The following WDR70 variants were observed in gnomAD, a reference collection of about 807,000 sequenced individuals.
The protein encoded by WDR70 is WD repeat-containing protein 70.
WDR70 carries 53 observed loss-of-function variants against 88.6 expected under a neutral mutation model. That is an observed-to-expected ratio of 0.60 (90% CI 0.48 to 0.75). The LOEUF is 0.75. Among genes scored for constraint, WDR70 ranks in the 30% least tolerant of loss-of-function variants. The pLI, the probability that WDR70 is intolerant of heterozygous loss-of-function variation, is 0.00. For missense variants in WDR70, 610 were observed against 823.2 expected, an observed-to-expected ratio of 0.74 and a Z score of 3.17; for synonymous variants, 280 against 270.0, an observed-to-expected ratio of 1.04 and a Z score of -0.36.
At chr5:37,742,177 G>A (rs1748501462) in intron 17 of WDR70, among the ~76,000 whole-genome samples, 1 of 151,474 alleles carries the variant, frequency 6.6e-6, no homozygotes. Context: ...GTTTTCCATA[G>A]TGTCTGTGCC....
chr5:37,612,749 T>G (rs544693520), intron 10 of WDR70, among the ~76,000 whole-genome samples: 2 of 152,316 alleles, frequency 1.3e-5, no homozygotes, highest in South Asian at 4.1e-4. Flanking sequence ...CAGTCATTCA[T>G]TGTATGCAAA....
At chr5:37,381,779 C>T (rs1375907830) in intron 3 of WDR70, 94 bp downstream of exon 3, 17 of 1,302,816 alleles carry the variant, frequency 1.3e-5, no homozygotes, top group South Asian at 7.2e-5. Flanking sequence ...GTTGGCTGGG[C>T]GCGGTGGCTC....
chr5:37,494,685 G>T (rs2112200895), intron 8 of WDR70, among the ~76,000 whole-genome samples: 1 of 152,336 alleles, frequency 6.6e-6, no homozygotes, highest in South Asian at 2.1e-4. Context: ...GAGAGTTCAG[G>T]ATTTTAGAAG....
intron 9 of WDR70, among the ~76,000 whole-genome samples, chr5:37,559,037 G>A (rs200450031): frequency 1.3e-5 from 2 of 151,842 alleles, no homozygotes; most frequent in East Asian, 1.9e-4. Context: ...AGGTTCAAGC[G>A]ATTCTCCTGC....
At chr5:37,422,295 T>A (rs72738703) in intron 5 of WDR70, among the ~76,000 whole-genome samples, 1,013 of 43,184 alleles carry the variant, frequency 0.023, 9 homozygotes, top group Non-Finnish European at 0.059. Flanking sequence ...TCCTTTTTTC[T>A]TTTTTTTTTT....
chr5:37,440,158 GTGCT>G (rs1431606131), intron 6 of WDR70, among the ~76,000 whole-genome samples: 2 of 152,002 alleles, frequency 1.3e-5, no homozygotes, highest in Non-Finnish European at 2.9e-5. Context: ...ATAAGATTTT[GTGCT>G]TTTTCTCCTT....
chr5:37,646,788 C>T (rs934227898), intron 10 of WDR70, among the ~76,000 whole-genome samples: 2 of 152,054 alleles, frequency 1.3e-5, no homozygotes, highest in Non-Finnish European at 2.9e-5. Context: ...CTTTTAGGAT[C>T]CTCTCTTTAT....
At chr5:37,397,126 G>C (rs1318160052) in intron 5 of WDR70, among the ~76,000 whole-genome samples, 1 of 147,296 alleles carries the variant, frequency 6.8e-6, no homozygotes. Context: ...GACAGAGTGA[G>C]ACCCTGTCTC....
chr5:37,518,912 A>G (rs1740984381), intron 9 of WDR70, among the ~76,000 whole-genome samples: 1 of 152,128 alleles, frequency 6.6e-6, no homozygotes, highest in Admixed American at 6.5e-5. Context: ...GCTGCCTTCA[A>G]GCATCTGTTT....
chr5:37,499,314 A>T (rs559458224), intron 8 of WDR70, among the ~76,000 whole-genome samples: 1 of 151,858 alleles, frequency 6.6e-6, no homozygotes, highest in South Asian at 2.1e-4. Flanking sequence ...GGGTTTCACC[A>T]TGTTGGCCAG....
At chr5:37,541,727 G>A (rs1405942154) in intron 9 of WDR70, among the ~76,000 whole-genome samples, 1 of 152,122 alleles carries the variant, frequency 6.6e-6, no homozygotes, top group Non-Finnish European at 1.5e-5. Flanking sequence ...CACAATAGCC[G>A]TAGGATCCAT....
At chr5:37,495,735 TG>T (rs968414405) in intron 8 of WDR70, among the ~76,000 whole-genome samples, 28 of 152,326 alleles carry the variant, frequency 1.8e-4, no homozygotes, top group African/African-American at 6.5e-4. Flanking sequence ...CTTTAATAGG[TG>T]TCTCTTTAAA....
At chr5:37,582,059 T>C (rs191626176) in intron 9 of WDR70, among the ~76,000 whole-genome samples, 81 of 152,174 alleles carry the variant, frequency 5.3e-4, no homozygotes, top group African/African-American at 1.9e-3. Flanking sequence ...TGTTTGACAT[T>C]TGATGGTCTC....
chr5:37,391,599 C>A (rs938357605), intron 3 of WDR70, among the ~76,000 whole-genome samples: 1 of 152,214 alleles, frequency 6.6e-6, no homozygotes, highest in Non-Finnish European at 1.5e-5. Flanking sequence ...GCAGAATCTC[C>A]TTCCTTTTTG....
chr5:37,709,615 A>T (rs1390200350), intron 13 of WDR70, among the ~76,000 whole-genome samples: 1 of 144,494 alleles, frequency 6.9e-6, no homozygotes, highest in Admixed American at 6.9e-5. Flanking sequence ...TTGCCAGTAC[A>T]TGTTTCTTTC....
At chr5:37,398,087 AT>A (rs756446462) in intron 5 of WDR70, among the ~76,000 whole-genome samples, 45,524 of 120,964 alleles carry the variant, frequency 0.38, 8,346 homozygotes, top group Non-Finnish European at 0.47. Context: ...GGGGTAGATA[AT>A]TTTTTTTTTT....
intron 13 of WDR70, among the ~76,000 whole-genome samples, chr5:37,713,297 A>G (rs1453841690): frequency 6.6e-6 from 1 of 152,190 alleles, no homozygotes; most frequent in Non-Finnish European, 1.5e-5. Context: ...ATTTCCTAGT[A>G]TCATTTAACC....
At position 37,386,948 on chromosome 5, in the gene WDR70, A is replaced by G. The variant is rs184886008; in HGVS notation, c.176-5052A>G. 5.3e-5 allele frequency among the ~76,000 whole-genome samples: 8 copies of G among 152,216 alleles called. No homozygotes were observed. The East Asian group carries it at 1.5e-3, about 29-fold the overall frequency. ...CCCTGTCTCTACTAAAGATACAAAA[A>G]TTAACCGGGTGTGGGTGGTGGGCAC... On this transcript the variant is annotated intron_variant, in intron 3 of 17. Transcript: ENST00000265107.
At chr5:37,431,480 C>T (rs897265323) in intron 5 of WDR70, among the ~76,000 whole-genome samples, 1 of 152,100 alleles carries the variant, frequency 6.6e-6, no homozygotes, top group Non-Finnish European at 1.5e-5. Flanking sequence ...CTTACACTGG[C>T]ATTTACCTTA....
Sources: allele counts gnomAD v4.1 joint callset (sites outside exome capture counted in the v4.1 genomes callset), GRCh38; gene constraint gnomAD v4.1.1; transcripts MANE v1.5; gene names NCBI Gene and HGNC (gene_info 2026-07-23, HGNC 2026-07-21).